The following FOXK1 variants were observed in gnomAD, a reference collection of about 807,000 sequenced individuals.
The protein encoded by FOXK1 is forkhead box protein K1.
Under a neutral mutation model 51.9 loss-of-function variants are expected in FOXK1, and 19 were observed. The observed-to-expected ratio is 0.37, with a 90% CI of 0.26 to 0.54. The LOEUF is 0.54. Ranked by LOEUF, FOXK1 falls within the 20% of genes least tolerant of loss-of-function variation. The pLI is 0.87. For synonymous variants in FOXK1, 537 were observed against 482.6 expected (o/e 1.11, Z -1.48); for missense variants, 870 against 1,032.7 (o/e 0.84, Z 2.16).
intron 1 of FOXK1, among the ~76,000 whole-genome samples, chr7:4,686,814 A>G (rs1028237873): frequency 3.4e-5 from 5 of 146,120 alleles, no homozygotes; most frequent in African/African-American, 1.3e-4. Context: ...TAAAAGGACC[A>G]TGAGCCTGTC....
chr7:4,746,430 C>T (rs10262852), intron 2 of FOXK1, among the ~76,000 whole-genome samples: 219 of 152,056 alleles, frequency 1.4e-3, no homozygotes, highest in African/African-American at 4.7e-3. Flanking sequence ...GGTGTGGTGA[C>T]GCACTTTGGG....
chr7:4,705,975 T>C (rs1466840518), intron 1 of FOXK1, among the ~76,000 whole-genome samples: 1 of 77,406 alleles, frequency 1.3e-5, no homozygotes, highest in Non-Finnish European at 2.4e-5. Flanking sequence ...TATATATACG[T>C]ATATATACGT....
intron 1 of FOXK1, among the ~76,000 whole-genome samples, chr7:4,719,887 T>C (rs1178595451): frequency 1.3e-5 from 2 of 152,234 alleles, no homozygotes; most frequent in Non-Finnish European, 2.9e-5. Context: ...GTTTGGTTTT[T>C]ATACTGAATT....
In FOXK1 at chr7:4,733,982, G is replaced by A. The variant is rs1780514855; in HGVS notation, c.561-6856G>A. Among the ~76,000 whole-genome samples, 1 of 152,178 alleles carries A rather than the reference G, an allele frequency of 6.6e-6. No homozygotes were observed. The highest frequency in any genetic ancestry group is 2.1e-4 in the South Asian group (1 of 4,836). On this transcript the variant is annotated intron_variant, in intron 1 of 8. Coordinates refer to ENST00000328914, the MANE Select transcript of FOXK1 (RefSeq NM_001037165.2). The surrounding 1 kb of genome is among the most constrained non-coding windows in gnomAD (Gnocchi z 5.0). ...TCTGGGTGGCAGGTGCTGGCCACGT[G>A]GAGTCTGCCCTCCACGTGCCGTGGG...
In FOXK1 at chr7:4,747,658, C is replaced by G. The variant is rs1780722882; in HGVS notation, c.746+6635C>G. Among the ~76,000 whole-genome samples, 1 of 149,700 alleles carries G rather than the reference C, an allele frequency of 6.7e-6. No individual in the cohort carries two copies. The highest frequency in any genetic ancestry group is 2.5e-5 in the African/African-American group (1 of 40,448). ...TCAAGCGATCCTCCCACTGCAGCCT[C>G]CTGAGTAGCTAGGACTACAGGCACC... On this transcript the variant is annotated intron_variant, in intron 2 of 8. Coordinates refer to ENST00000328914, the MANE Select transcript of FOXK1 (RefSeq NM_001037165.2). This position sits in a 1 kb window ranked among gnomAD's most constrained non-coding sequence, Gnocchi z 9.2.
At position 4,762,086 on chromosome 7, in the gene FOXK1, G is replaced by T; in HGVS notation, c.1922-98G>T. The stretch of plus-strand genomic sequence containing the variant: ...CCTGGCAGGGGTGCACTGACCTCCG[G>T]TTCCGGCTTGGTGGCTTAGCCCCTG... On this transcript the variant is annotated intron_variant, in intron 8 of 8. Transcript: ENST00000328914. The surrounding 1 kb of genome is among the most constrained non-coding windows in gnomAD (Gnocchi z 5.7). The T allele has an allele frequency of 1.4e-6, 2 of 1,410,262 alleles. No individual in the cohort carries two copies. Among genetic ancestry groups the T allele is most frequent in the South Asian group, 2.8e-5 (2 of 71,648 alleles). The allele number at this position is 1,410,262 out of a possible 1,614,324, so 87.4% of individuals were successfully genotyped here.
At chr7:4,744,627 C>T (rs1379926144) in intron 2 of FOXK1, among the ~76,000 whole-genome samples, 1 of 152,258 alleles carries the variant, frequency 6.6e-6, no homozygotes, top group African/African-American at 2.4e-5. Context: ...GTACTGAGCA[C>T]CTGAAGCTCT....
intron 1 of FOXK1, among the ~76,000 whole-genome samples, chr7:4,692,553 C>T (rs1477706184): frequency 1.3e-5 from 2 of 150,634 alleles, no homozygotes; most frequent in Admixed American, 6.6e-5. Context: ...TGTGCCACCA[C>T]GCCCAGCTAA....
Position 4,745,244 on chromosome 7 carries a change from G to C in FOXK1, c.746+4221G>C, listed in dbSNP as rs980683138. Among the ~76,000 whole-genome samples, 1 of 152,180 alleles carries C rather than the reference G, an allele frequency of 6.6e-6. No homozygotes were observed. The highest frequency in any genetic ancestry group is 1.5e-5 in the Non-Finnish European group (1 of 68,028). On this transcript the variant is annotated intron_variant, in intron 2 of 8. Transcript: ENST00000328914. This position sits in a 1 kb window ranked among gnomAD's most constrained non-coding sequence, Gnocchi z 4.3. Reference sequence around the variant, plus strand: ...AATTTGGTGTGCATTCGCCTCGCCAGTCCTCATTGGCCGTGGAGTGGCTGG... The same window carrying C: ...AATTTGGTGTGCATTCGCCTCGCCACTCCTCATTGGCCGTGGAGTGGCTGG...
chr7:4,713,276 C>G (rs1405987084), intron 1 of FOXK1, among the ~76,000 whole-genome samples: 6 of 152,104 alleles, frequency 3.9e-5, no homozygotes, highest in Non-Finnish European at 4.4e-5. Flanking sequence ...TGCTCTGTGC[C>G]AGGCCCCAAG....
chr7:4,762,473 G>T lies in FOXK1; in HGVS notation c.*9G>T. On this transcript the variant is annotated 3_prime_UTR_variant, in exon 9 of 9. Coordinates refer to ENST00000328914, the MANE Select transcript of FOXK1 (RefSeq NM_001037165.2). The surrounding 1 kb of genome is among the most constrained non-coding windows in gnomAD (Gnocchi z 5.7). ...CAGGCACCGGGGAGTGAGGTCACCT[G>T]CAACGCGGGGGAGTGGGACTCACCC... The T allele has an allele frequency of 6.5e-7, 1 of 1,538,666 alleles. No individual in the cohort carries two copies. Among genetic ancestry groups the T allele is most frequent in the South Asian group, 1.2e-5 (1 of 83,750 alleles).
chr7:4,718,117 C>G (rs1354268646), intron 1 of FOXK1, among the ~76,000 whole-genome samples: 1 of 152,208 alleles, frequency 6.6e-6, no homozygotes, highest in African/African-American at 2.4e-5. Flanking sequence ...ATCACAGATT[C>G]ACAAGGAGCA....
Position 4,707,275 on chromosome 7 carries a change from A to G in FOXK1, c.560+24407A>G, listed in dbSNP as rs1780113978. On this transcript the variant is annotated intron_variant, in intron 1 of 8. Transcript: ENST00000328914. The surrounding 1 kb of genome is among the most constrained non-coding windows in gnomAD (Gnocchi z 4.1). ...GTTCTGGTGGAGGGGACGCTGGTAA[A>G]GAGCAGGTCTGGCTCAGTGCTTATT... is the stretch of plus-strand genomic sequence containing the variant. Among the ~76,000 whole-genome samples the G allele has an allele frequency of 6.6e-6, 1 of 152,150 alleles. No individual in the cohort carries two copies. The highest frequency in any genetic ancestry group is 2.4e-5 in the African/African-American group (1 of 41,428).
intron 1 of FOXK1, among the ~76,000 whole-genome samples, chr7:4,728,366 G>A (rs1022300863): frequency 6.6e-6 from 1 of 152,214 alleles, no homozygotes; most frequent in Non-Finnish European, 1.5e-5. Flanking sequence ...GGGGTTGTCC[G>A]GCTGCGGCTG....
At chr7:4,757,275 G>A (rs1780865460) in intron 5 of FOXK1, 88 bp downstream of exon 5, 15 of 1,185,816 alleles carry the variant, frequency 1.3e-5, no homozygotes, top group East Asian at 4.7e-5. Context: ...TCAGCCCTCC[G>A]GATCTGTGGG....
At position 4,735,595 on chromosome 7, in the gene FOXK1, C is replaced by T. The variant is rs759844884; in HGVS notation, c.561-5243C>T. Among the ~76,000 whole-genome samples the T allele has an allele frequency of 1.3e-5, 2 of 152,130 alleles. No homozygotes were observed. The highest frequency in any genetic ancestry group is 2.9e-5 in the Non-Finnish European group (2 of 68,002). On this transcript the variant is annotated intron_variant, in intron 1 of 8. Transcript: ENST00000328914. This position sits in a 1 kb window ranked among gnomAD's most constrained non-coding sequence, Gnocchi z 4.7. ...GGCAAGAATGTTCTGGAGAGATGTC[C>T]TCCACAGATGGGCACTTGCTCGTAC...
rs190627845 is a variant in FOXK1, at chr7:4,683,942, G to C, written c.560+1074G>C. ...CCCCAACTAGTGCTCCTTGGATGGA[G>C]TAGCGGGACCCCAAGATCAAATTAG... On this transcript the variant is annotated intron_variant, in intron 1 of 8. Coordinates refer to ENST00000328914, the MANE Select transcript of FOXK1 (RefSeq NM_001037165.2). The surrounding 1 kb of genome is among the most constrained non-coding windows in gnomAD (Gnocchi z 4.5). Among the ~76,000 whole-genome samples, 7 of 152,334 alleles carry C rather than the reference G, an allele frequency of 4.6e-5. No individual in the cohort carries two copies. The highest frequency in any genetic ancestry group is 2.6e-4 in the Admixed American group (4 of 15,302).
In FOXK1 at chr7:4,699,375, G is replaced by GTT. The variant is rs1391603345; in HGVS notation, c.560+16507_560+16508insTT. Among the ~76,000 whole-genome samples, 58 of 141,720 alleles carry GTT rather than the reference G, an allele frequency of 4.1e-4. 1 individual carries two copies. The South Asian group carries it at 0.012, about 29-fold the overall frequency. 93.0% of individuals were successfully genotyped at this position (141,720 alleles called of 152,430 possible). A position where few individuals can be genotyped will look rare whatever the true frequency, so the allele number is the denominator to read the frequency against. On this transcript the variant is annotated intron_variant, in intron 1 of 8. Transcript: ENST00000328914. ...CGTGGGGTCCTTATCCACAGGGTTA[G>GTT]GTTTTTTTTTTTTTGAGACATCTCA... is the stretch of plus-strand genomic sequence containing the variant.
rs943732341 is a variant in FOXK1 at position 4,749,490 on chromosome 7, C to T, written c.747-4969C>T. ...TCCCCCAGGAGGCTTCAGGTGCCGC[C>T]TTGGGACGCAAAGGTCATCGCAGAC... On this transcript the variant is annotated intron_variant, in intron 2 of 8. Transcript: ENST00000328914. The surrounding 1 kb of genome is among the most constrained non-coding windows in gnomAD (Gnocchi z 6.0). Among the ~76,000 whole-genome samples, 3 of 152,212 alleles carry T rather than the reference C, an allele frequency of 2.0e-5. No individual in the cohort carries two copies. Among genetic ancestry groups the T allele is most frequent in the African/African-American group, 7.2e-5 (3 of 41,464 alleles).
Sources: allele counts gnomAD v4.1 joint callset (sites outside exome capture counted in the v4.1 genomes callset), GRCh38; gene constraint gnomAD v4.1.1; non-coding constraint Gnocchi (gnomAD v3.1); transcripts MANE v1.5; gene names NCBI Gene and HGNC (gene_info 2026-07-23, HGNC 2026-07-21).